CRACD: variants seen among roughly 807,000 people sequenced by gnomAD.
CRACD encodes capping protein inhibiting regulator of actin dynamics.
CRACD carries 56 observed loss-of-function variants against 106.8 expected under a neutral mutation model. The observed-to-expected ratio is 0.52, with a 90% CI of 0.42 to 0.66. The LOEUF is 0.66. Ranked by LOEUF, CRACD falls within the 30% of genes least tolerant of loss-of-function variation. The pLI, the probability that CRACD is intolerant of heterozygous loss-of-function variation, is 0.00. For synonymous variants in CRACD, 754 were observed against 670.8 expected, an observed-to-expected ratio of 1.12 and a Z score of -1.92; for missense variants, 1,730 against 1,623.2, an observed-to-expected ratio of 1.07 and a Z score of -1.13.
chr4:56,112,533 G>GAA (rs1560454653), intron 1 of CRACD, among the ~76,000 whole-genome samples: 4 of 152,044 alleles, frequency 2.6e-5, no homozygotes, highest in African/African-American at 9.7e-5. Context: ...CTAGTTGGGG[G>GAA]GACCTCTTCC....
intron 1 of CRACD, among the ~76,000 whole-genome samples, chr4:56,128,443 C>A (rs965494631): frequency 9.2e-5 from 14 of 152,170 alleles, no homozygotes; most frequent in Non-Finnish European, 1.8e-4. Flanking sequence ...GGCCTGGTGC[C>A]TTGTGTTATA....
At chr4:56,079,550 G>T (rs567376143) in intron 1 of CRACD, among the ~76,000 whole-genome samples, 1 of 151,052 alleles carries the variant, frequency 6.6e-6, no homozygotes, top group Non-Finnish European at 1.5e-5. Flanking sequence ...CGTTCAAATC[G>T]TTCTCGTGTC....
intron 3 of CRACD, among the ~76,000 whole-genome samples, chr4:56,297,654 A>G (rs1271787084): frequency 6.6e-6 from 1 of 152,190 alleles, no homozygotes; most frequent in Non-Finnish European, 1.5e-5. Flanking sequence ...GGTGTTCCAT[A>G]TATGCAAAGC....
rs369146571 is a variant in CRACD at position 56,254,435 on chromosome 4, G to A, written c.-188-17886G>A. ...TTCTGTTCTCAGGTATCATATCAGT[G>A]TAGCACTATTCACAGATCGGCACAA... On this transcript the variant is annotated intron_variant, in intron 2 of 10. Transcript: ENST00000682029. 5.3e-4 allele frequency among the ~76,000 whole-genome samples: 80 copies of A among 151,166 alleles called. No individual in the cohort carries two copies. The Middle Eastern group carries it at 0.01, about 20-fold the overall frequency.
At chr4:56,102,410 A>G (rs1289521296) in intron 1 of CRACD, among the ~76,000 whole-genome samples, 1 of 152,166 alleles carries the variant, frequency 6.6e-6, no homozygotes, top group Non-Finnish European at 1.5e-5. Flanking sequence ...CATTTTACAA[A>G]TGAGGAAATG....
intron 1 of CRACD, among the ~76,000 whole-genome samples, chr4:56,104,693 C>T (rs938732030): frequency 1.2e-4 from 18 of 152,146 alleles, no homozygotes; most frequent in Admixed American, 1.0e-3. Context: ...ATAGGCCGGG[C>T]GCCGTGGCTC....
intron 1 of CRACD, among the ~76,000 whole-genome samples, chr4:56,068,256 C>G (rs1732525478): frequency 6.6e-6 from 1 of 152,170 alleles, no homozygotes; most frequent in South Asian, 2.1e-4. Flanking sequence ...GGAAAAGACA[C>G]TTCAGAGGGA....
chr4:56,144,547 AT>A (rs1457954870), intron 1 of CRACD, among the ~76,000 whole-genome samples: 8 of 152,038 alleles, frequency 5.3e-5, no homozygotes, highest in African/African-American at 1.9e-4. Flanking sequence ...TGAATCATAA[AT>A]TTTTGCATTT....
intron 1 of CRACD, among the ~76,000 whole-genome samples, chr4:56,107,256 C>T (rs904509351): frequency 2.0e-5 from 3 of 152,164 alleles, no homozygotes; most frequent in African/African-American, 4.8e-5. Flanking sequence ...TTTGGGATTA[C>T]AGGTGTGAGC....
chr4:56,302,198 A>C (rs534425878), intron 4 of CRACD, among the ~76,000 whole-genome samples: 2 of 152,356 alleles, frequency 1.3e-5, no homozygotes, highest in East Asian at 3.9e-4. Context: ...ATCACTATTG[A>C]ACTGCTGTAG....
intron 2 of CRACD, among the ~76,000 whole-genome samples, chr4:56,269,365 A>G (rs1742213736): frequency 6.6e-6 from 1 of 152,010 alleles, no homozygotes; most frequent in African/African-American, 2.4e-5. Flanking sequence ...CCTGGGCGAC[A>G]GAGTGAGACC....
Position 56,188,277 on chromosome 4 carries a change from G to GAACCC in CRACD, c.-189+8848_-189+8852dup, listed in dbSNP as rs1473139746. On this transcript the variant is annotated intron_variant, in intron 2 of 10. Coordinates refer to ENST00000682029, the MANE Select transcript of CRACD (RefSeq NM_001393381.1). ...TTGATGTTTTACTGTCATAGAACTG[G>GAACCC]AACCCCAATTTCTAATAATTCTTAT... Among the ~76,000 whole-genome samples the GAACCC allele has an allele frequency of 7.2e-5, 11 of 152,180 alleles. No homozygotes were observed. In the East Asian group the frequency reaches 2.1e-3, roughly 29 times the overall value.
In CRACD at chr4:56,316,631, A is replaced by T. The variant is rs774999875; in HGVS notation, c.3129A>T (p.Pro1043=). The T allele has an allele frequency of 6.2e-7, 1 of 1,610,400 alleles. No homozygotes were observed. The highest frequency in any genetic ancestry group is 2.2e-5 in the East Asian group (1 of 44,798). Residue 1043 remains proline (P), a synonymous_variant, in exon 8 of 11, where the codon CCA becomes CCT. Coordinates refer to ENST00000682029, the MANE Select transcript of CRACD (RefSeq NM_001393381.1). ...CGACAGAGAGGAAACCTGCTTCCCC[A>T]CCTCTGCCTGCCACTCAGCAAGAGA... The part of the protein sequence containing the change: ...EEATERKPAS[P]PLPATQQEKP...
At chr4:56,207,586 C>G (rs1738187590) in intron 2 of CRACD, among the ~76,000 whole-genome samples, 1 of 152,016 alleles carries the variant, frequency 6.6e-6, no homozygotes, top group South Asian at 2.1e-4. Flanking sequence ...CAACTGGCTG[C>G]AAAATCCTCC....
At chr4:56,131,806 C>A (rs1051521967) in intron 1 of CRACD, among the ~76,000 whole-genome samples, 6 of 151,866 alleles carry the variant, frequency 4.0e-5, no homozygotes. Flanking sequence ...GTTTGTAGTT[C>A]TCTAGATTTT....
chr4:56,330,138 A>G lies in CRACD; in HGVS notation c.*2334A>G, dbSNP rs1043572323. On this transcript the variant is annotated 3_prime_UTR_variant, in exon 11 of 11. Coordinates refer to ENST00000682029, the MANE Select transcript of CRACD (RefSeq NM_001393381.1). ...TATGGGGAATTCTGTAAAAACATATAAAAAGTTCAAGACTTTTTTTTTAAA... is the reference window on the plus strand; with the variant it reads ...TATGGGGAATTCTGTAAAAACATATGAAAAGTTCAAGACTTTTTTTTTAAA... Among the ~76,000 whole-genome samples the G allele has an allele frequency of 6.6e-6, 1 of 152,078 alleles. No homozygotes were observed. The highest frequency in any genetic ancestry group is 1.5e-5 in the Non-Finnish European group (1 of 68,024).
At chr4:56,268,924 A>G (rs1434417990) in intron 2 of CRACD, among the ~76,000 whole-genome samples, 1 of 152,226 alleles carries the variant, frequency 6.6e-6, no homozygotes, top group Non-Finnish European at 1.5e-5. Flanking sequence ...TCACTGGCCT[A>G]TATTCACTTC....
intron 1 of CRACD, among the ~76,000 whole-genome samples, chr4:56,124,339 C>T (rs1450501845): frequency 2.0e-5 from 3 of 152,222 alleles, no homozygotes; most frequent in South Asian, 2.1e-4. Flanking sequence ...TGACAGTTAT[C>T]AGCATGTGAC....
At chr4:56,093,018 T>C (rs1733475244) in intron 1 of CRACD, among the ~76,000 whole-genome samples, 1 of 152,204 alleles carries the variant, frequency 6.6e-6, no homozygotes, top group South Asian at 2.1e-4. Context: ...TTAGTGCGGG[T>C]GCTTTGGAAT....
Sources: gnomAD v4.1 joint callset for allele counts (sites outside exome capture counted in the v4.1 genomes callset) on GRCh38, gnomAD v4.1.1 for gene constraint, MANE v1.5 for transcripts, NCBI Gene and HGNC (gene_info 2026-07-23, HGNC 2026-07-21) for gene names.